The following HNRNPL variants were observed in gnomAD, a reference collection of about 807,000 sequenced individuals.
The protein encoded by HNRNPL is heterogeneous nuclear ribonucleoprotein L.
A neutral mutation model predicts 64.0 loss-of-function variants in HNRNPL; 12 were observed. The ratio of observed to expected loss-of-function variants is 0.19; its 90% confidence interval spans 0.12 to 0.30. The LOEUF is 0.30. HNRNPL is among the 10% of genes least tolerant of loss of function. HNRNPL has a pLI of 1.00. For missense variants in HNRNPL, 484 were observed against 797.4 expected (o/e 0.61, Z 4.73); for synonymous variants, 385 against 313.0 (o/e 1.23, Z -2.43).
At position 38,838,403 on chromosome 19, in the gene HNRNPL, G is replaced by A; in HGVS notation, c.1551C>T (p.Phe517=). 5 of 1,610,384 alleles carry A rather than the reference G, an allele frequency of 3.1e-6. No homozygotes were observed. Among genetic ancestry groups the A allele is most frequent in the Non-Finnish European group, 4.2e-6 (5 of 1,176,736 alleles). ...NAPLEVTEEN[F]FEICDELGVK... is the part of the protein sequence containing the mutation. ...GCAGCTCCACGGCACACACCTCAAA[G>A]AAGTTCTCCTCGGTCACCTCCAGCG... The change falls in exon 10 of 13, where the codon TTC becomes TTT. Residue 517 remains phenylalanine, a synonymous_variant. Transcript: ENST00000221419.
intron 8 of HNRNPL, 25 bp downstream of exon 8, chr19:38,840,070 AC>A: frequency 1.9e-6 from 3 of 1,609,166 alleles, no homozygotes; most frequent in Non-Finnish European, 2.6e-6. Context: ...TCAGCGAGGA[AC>A]CCAGGGGGCC....
At chr19:38,837,071 C>CCA in intron 12 of HNRNPL, 1 of 547,020 alleles carries the variant, frequency 1.8e-6, no homozygotes, top group Non-Finnish European at 3.2e-6. Flanking sequence ...GATAGTGTTG[C>CCA]CTCTTTCCTA....
chr19:38,840,030 T>C, intron 8 of HNRNPL, 66 bp downstream of exon 8: 2 of 1,524,734 alleles, frequency 1.3e-6, no homozygotes, highest in South Asian at 2.3e-5. Context: ...CCCCTGGTTC[T>C]TTCCCGTGCT....
At chr19:38,838,176 G>A (rs965898047) in intron 10 of HNRNPL, among the ~76,000 whole-genome samples, 59 of 152,220 alleles carry the variant, frequency 3.9e-4, no homozygotes, top group African/African-American at 1.4e-3. Context: ...AGGAAGGAAC[G>A]CGGCAAATGG....
chr19:38,844,296 C>T (rs923166106), intron 4 of HNRNPL, among the ~76,000 whole-genome samples, 192 bp from the exon 5 acceptor site: 2 of 152,180 alleles, frequency 1.3e-5, no homozygotes, highest in East Asian at 1.9e-4. Context: ...AACGCTGCCC[C>T]GGGTGAGCAG....
At chr19:38,837,178 AGAGT>A in intron 12 of HNRNPL, 1 of 594,058 alleles carries the variant, frequency 1.7e-6, no homozygotes, top group Admixed American at 3.0e-5. Flanking sequence ...CCAAGCTGGC[AGAGT>A]GAGTGGCAGC....
chr19:38,846,557 G>T (rs567501901), intron 2 of HNRNPL, among the ~76,000 whole-genome samples: 1 of 152,096 alleles, frequency 6.6e-6, no homozygotes, highest in Non-Finnish European at 1.5e-5. Context: ...AGACTGCTTG[G>T]GCCTAGGAGT....
At position 38,841,297 on chromosome 19, in the gene HNRNPL, T is replaced by C. The variant is rs532933308; in HGVS notation, c.881-738A>G. The C allele has an allele frequency of 1.0e-4, 33 of 329,018 alleles. No homozygotes were observed. In the East Asian group the frequency reaches 2.7e-3, roughly 27 times the overall value. The allele number at this position is 329,018 out of a possible 1,614,324, so 20.4% of individuals were successfully genotyped here. ...TTACAGACATCACAGCTTCTGAAAT[T>C]CCTCACAACAACCCTATGAGGTAGG... On this transcript the variant is annotated intron_variant, in intron 6 of 12. Transcript: ENST00000221419.
At chr19:38,837,684 G>C (rs751675420) in intron 10 of HNRNPL, 33 bp from the exon 11 acceptor site, 1 of 1,597,494 alleles carries the variant, frequency 6.3e-7, no homozygotes, top group East Asian at 2.2e-5. Flanking sequence ...AATGAACTCT[G>C]AAACAAAAGG....
At position 38,838,575 on chromosome 19, in the gene HNRNPL, A is replaced by G. The variant is rs1361847251; in HGVS notation, c.1379T>C (p.Met460Thr). ...NVCVSKQPAIMPGQSYGLEDG... is the reference protein window; with the variant it reads ...NVCVSKQPAITPGQSYGLEDG... Reference sequence around the variant, plus strand: ...TTCCAACCCGTATGACTGACCAGGCATGATGGCTGGCTGCTTGGAGACACT... The same window carrying G: ...TTCCAACCCGTATGACTGACCAGGCGTGATGGCTGGCTGCTTGGAGACACT... Residue 460 changes from methionine to threonine, a missense_variant, in exon 10 of 13, where the codon ATG (methionine) becomes ACG (threonine). Physicochemically the swap from Met to Thr is moderately conservative, Grantham distance 81 (BLOSUM62 -1). Coordinates refer to ENST00000221419, the MANE Select transcript of HNRNPL (RefSeq NM_001533.3). The G allele has an allele frequency of 3.7e-6, 6 of 1,614,042 alleles. No individual in the cohort carries two copies. The highest frequency in any genetic ancestry group is 8.5e-7 in the Non-Finnish European group (1 of 1,180,004).
chr19:38,850,719 T>C (rs906950311), upstream of HNRNPL, among the ~76,000 whole-genome samples: 6 of 152,334 alleles, frequency 3.9e-5, no homozygotes, highest in Middle Eastern at 3.4e-3. Context: ...AGGGTATCTC[T>C]GTCGCCATCA....
At position 38,838,977 on chromosome 19, in the gene HNRNPL, C is replaced by T. The variant is rs761523358; in HGVS notation, c.1272G>A (p.Val424=). The T allele has an allele frequency of 3.1e-6, 5 of 1,614,162 alleles. No individual in the cohort carries two copies. The highest frequency in any genetic ancestry group is 3.4e-6 in the Non-Finnish European group (4 of 1,180,026). Residue 424 remains valine (V), a synonymous_variant, in exon 9 of 13, where the codon GTG becomes GTA. Coordinates refer to ENST00000221419, the MANE Select transcript of HNRNPL (RefSeq NM_001533.3). ...CTACAGCGTAGCCATCAGCCATCTC[C>T]ACCATGGCGGCCCCCGGCTTGCTTT... ...FMKSKPGAAM[V]EMADGYAVDR...
rs891812249 is a variant in HNRNPL at position 38,843,535 on chromosome 19, G to A, written c.880+307C>T. 22 of 397,264 alleles carry A rather than the reference G, an allele frequency of 5.5e-5. No individual in the cohort carries two copies. The South Asian group carries it at 6.8e-4, about 12-fold the overall frequency. The allele number at this position is 397,264 out of a possible 1,614,324, so 24.6% of individuals were successfully genotyped here. ...TGACCCTCACCAGACTCTCAAAGGA[G>A]CCACTGCTGGTTTCTAAGGCCGCCC... is the stretch of plus-strand genomic sequence containing the variant. On this transcript the variant is annotated intron_variant, in intron 6 of 12. Transcript: ENST00000221419.
chr19:38,838,870 G>GCC, intron 9 of HNRNPL, 24 bp downstream of exon 9: 1 of 1,613,788 alleles, frequency 6.2e-7, no homozygotes, highest in Non-Finnish European at 8.5e-7. Flanking sequence ...TACCTCTGCT[G>GCC]CCCTCCCGAG....
rs183479603 is a variant in HNRNPL, at chr19:38,845,446, T to C, written c.710+204A>G. On this transcript the variant is annotated intron_variant, in intron 4 of 12. Coordinates refer to ENST00000221419, the MANE Select transcript of HNRNPL (RefSeq NM_001533.3). ...TCCTTTGTATCTCCCAACACACTGCTCTCTCCCCTAAGATCTGCACGTCCA... is the reference window on the plus strand; with the variant it reads ...TCCTTTGTATCTCCCAACACACTGCCCTCTCCCCTAAGATCTGCACGTCCA... 4 of 592,884 alleles carry C rather than the reference T, an allele frequency of 6.7e-6. No homozygotes were observed. The Admixed American group carries it at 9.1e-5, about 13-fold the overall frequency. The allele number at this position is 592,884 out of a possible 1,614,324, so 36.7% of individuals were successfully genotyped here.
intron 6 of HNRNPL, chr19:38,841,153 C>G: frequency 4.3e-6 from 1 of 231,712 alleles, no homozygotes; most frequent in South Asian, 5.3e-5. Flanking sequence ...AATAAGCAAT[C>G]ATGTACAAGG....
chr19:38,850,651 T>G (rs1044528830), upstream of HNRNPL, among the ~76,000 whole-genome samples: 1 of 152,176 alleles, frequency 6.6e-6, no homozygotes, highest in Non-Finnish European at 1.5e-5. Context: ...GGGGCCCCCT[T>G]ATGGAGCGAC....
At chr19:38,841,276 A>C (rs1178905794) in intron 6 of HNRNPL, 3 of 326,936 alleles carry the variant, frequency 9.2e-6, no homozygotes, top group Non-Finnish European at 1.8e-5. Context: ...AGCGCTTTAC[A>C]GACATCACAG....
chr19:38,837,505 A>C lies in HNRNPL; in HGVS notation c.1616-26T>G, dbSNP rs2278010. On this transcript the variant is annotated intron_variant, in intron 11 of 12. Transcript: ENST00000221419. ...CTGATTGCAAACCAAGGGGAAAAGT[A>C]AAGGTTTTAGACTCACCCAATAGGA... The C allele has an allele frequency of 0.52, 837,407 of 1,613,206 alleles. 226,443 individuals carry two copies. The highest frequency in any genetic ancestry group is 0.56 in the Non-Finnish European group (665,510 of 1,179,270).
Sources: gnomAD v4.1 joint callset for allele counts (sites outside exome capture counted in the v4.1 genomes callset) on GRCh38, gnomAD v4.1.1 for gene constraint, MANE v1.5 for transcripts, NCBI Gene and HGNC (gene_info 2026-07-23, HGNC 2026-07-21) for gene names.